The following CDH17 variants were observed in gnomAD, a reference collection of about 807,000 sequenced individuals.
CDH17 encodes cadherin 17, also known as cadherin-17.
Under a neutral mutation model 86.3 loss-of-function variants are expected in CDH17, and 67 were observed. The observed-to-expected ratio is 0.78, with a 90% CI of 0.64 to 0.95. The LOEUF (loss-of-function observed/expected upper bound fraction) is 0.95, where lower values mean the gene tolerates loss of function less well. Ranked by LOEUF, CDH17 falls within the 40% of genes least tolerant of loss-of-function variation. The pLI is 0.00. For missense variants in CDH17, 993 were observed against 1,017.6 expected, an observed-to-expected ratio of 0.98 and a Z score of 0.33; for synonymous variants, 367 against 366.4, an observed-to-expected ratio of 1.00 and a Z score of -0.02.
chr8:94,170,257 A>G, intron 9 of CDH17, 140 bp downstream of exon 9: 1 of 817,966 alleles, frequency 1.2e-6, no homozygotes, highest in Non-Finnish European at 1.9e-6. Flanking sequence ...TCCTTACGTG[A>G]CTCCCAAGGT....
chr8:94,196,830 C>T (rs1426372517), intron 1 of CDH17, among the ~76,000 whole-genome samples: 1 of 152,138 alleles, frequency 6.6e-6, no homozygotes, highest in East Asian at 1.9e-4. Flanking sequence ...AACACGGCGG[C>T]TCCATCTTCC....
chr8:94,190,253 C>A (rs1586016870), intron 2 of CDH17, among the ~76,000 whole-genome samples: 1 of 152,348 alleles, frequency 6.6e-6, no homozygotes, highest in East Asian at 1.9e-4. Flanking sequence ...CTGGAACCAG[C>A]CCTCTCAGCC....
intron 17 of CDH17, among the ~76,000 whole-genome samples, chr8:94,129,473 G>A (rs1463911042): frequency 6.6e-6 from 1 of 152,150 alleles, no homozygotes; most frequent in East Asian, 1.9e-4. Flanking sequence ...TTAGATGCAT[G>A]AATCAGAGTC....
upstream of CDH17, among the ~76,000 whole-genome samples, chr8:94,213,467 T>C (rs998191964): frequency 2.6e-5 from 4 of 152,244 alleles, no homozygotes; most frequent in African/African-American, 7.2e-5. Flanking sequence ...ATGTTGAACA[T>C]GCAAGCTGGA....
chr8:94,145,852 G>T, intron 15 of CDH17, 76 bp downstream of exon 15: 1 of 1,495,460 alleles, frequency 6.7e-7, no homozygotes, highest in Non-Finnish European at 9.1e-7. Context: ...GCTGAGTACA[G>T]CAAACCCACC....
intron 9 of CDH17, among the ~76,000 whole-genome samples, chr8:94,168,894 T>C (rs1321944114): frequency 6.6e-6 from 1 of 152,158 alleles, no homozygotes; most frequent in African/African-American, 2.4e-5. Flanking sequence ...GATTAGGTCA[T>C]AGAAAGACTG....
chr8:94,211,815 T>C (rs1005993569), upstream of CDH17, among the ~76,000 whole-genome samples: 3 of 152,370 alleles, frequency 2.0e-5, no homozygotes, highest in Non-Finnish European at 4.4e-5. Context: ...CTCTGTTAAC[T>C]TGATGATGGC....
At chr8:94,205,654 A>T (rs1441530488) in intron 1 of CDH17, among the ~76,000 whole-genome samples, 1 of 152,210 alleles carries the variant, frequency 6.6e-6, no homozygotes, top group Non-Finnish European at 1.5e-5. Context: ...ATTCTGCTTA[A>T]TAAAAGGTGC....
At chr8:94,211,665 A>T (rs961956555), upstream of CDH17, among the ~76,000 whole-genome samples, 3 of 152,106 alleles carry the variant, frequency 2.0e-5, no homozygotes, top group Non-Finnish European at 2.9e-5. Flanking sequence ...AAATTTCTCA[A>T]TTTTTCAAGT....
At chr8:94,168,832 G>T (rs745380826) in intron 9 of CDH17, among the ~76,000 whole-genome samples, 1 of 152,064 alleles carries the variant, frequency 6.6e-6, no homozygotes, top group Non-Finnish European at 1.5e-5. Context: ...TTGAGTGCAG[G>T]CTGGACCTAG....
At chr8:94,209,375 C>G (rs1814086230), upstream of CDH17, among the ~76,000 whole-genome samples, 1 of 152,212 alleles carries the variant, frequency 6.6e-6, no homozygotes, top group African/African-American at 2.4e-5. Context: ...ACACTTGGCC[C>G]TGTTTCTGTG....
In CDH17 at chr8:94,177,727, G is replaced by C; in HGVS notation, c.151-6C>G. 1 of 1,605,222 alleles carries C rather than the reference G, an allele frequency of 6.2e-7. No individual in the cohort carries two copies. The highest frequency in any genetic ancestry group is 1.1e-5 in the South Asian group (1 of 89,570). ...GCAGGAGGATTGGCCTTAAACTGGG[G>C]AAAAAGCAAAAAACAGATTAAGTTG... On this transcript the variant is annotated splice_region_variant and splice_polypyrimidine_tract_variant and intron_variant, in intron 3 of 17. Transcript: ENST00000027335.
chr8:94,202,685 A>T (rs141560020), intron 1 of CDH17: 403 of 156,102 alleles, frequency 2.6e-3, no homozygotes, highest in Non-Finnish European at 3.7e-3. Flanking sequence ...TGCTGACTGC[A>T]GAGTTTCTTG....
In CDH17 at chr8:94,161,681, C is replaced by T. The variant is rs544415108; in HGVS notation, c.1359+405G>A. Among the ~76,000 whole-genome samples, 22 of 152,212 alleles carry T rather than the reference C, an allele frequency of 1.4e-4. No homozygotes were observed. The East Asian group carries it at 1.5e-3, about 11-fold the overall frequency. On this transcript the variant is annotated intron_variant, in intron 11 of 17. Coordinates refer to ENST00000027335, the MANE Select transcript of CDH17 (RefSeq NM_004063.4). Reference sequence around the variant, plus strand: ...CTTACCCAATTATTACAAATTAAATCGCCAATATTCCAAATATTAAATTTT... The same window carrying T: ...CTTACCCAATTATTACAAATTAAATTGCCAATATTCCAAATATTAAATTTT...
rs552483866 is a variant in CDH17, at chr8:94,146,605, G to C, written c.1928-438C>G. Among the ~76,000 whole-genome samples, 5 of 152,276 alleles carry C rather than the reference G, an allele frequency of 3.3e-5. No individual in the cohort carries two copies. The East Asian group carries it at 7.7e-4, about 24-fold the overall frequency. ...TGAATGTTCTGGAAAATAGTAAAAG[G>C]CTCCACAGACATTATTTACTATATG... On this transcript the variant is annotated intron_variant, in intron 14 of 17. Transcript: ENST00000027335.
intron 2 of CDH17, among the ~76,000 whole-genome samples, chr8:94,190,667 C>A (rs1212541689): frequency 6.6e-6 from 1 of 152,222 alleles, no homozygotes; most frequent in Non-Finnish European, 1.5e-5. Context: ...AAAAAGTCTT[C>A]TCACTCCCTG....
intron 12 of CDH17, among the ~76,000 whole-genome samples, chr8:94,157,370 A>C (rs1249690802): frequency 6.6e-6 from 1 of 152,214 alleles, no homozygotes; most frequent in Non-Finnish European, 1.5e-5. Flanking sequence ...GTATGGCTAC[A>C]TACATTTGTT....
In CDH17 at chr8:94,159,223, T is replaced by G. The variant is rs1469197425; in HGVS notation, c.1551+748A>C. ...GGGACAGGAGTAGATTGAGGGAGGG[T>G]TGGGAGAATCCTGTACAAAGAGACA... is the stretch of plus-strand genomic sequence containing the variant. On this transcript the variant is annotated intron_variant, in intron 12 of 17. Coordinates refer to ENST00000027335, the MANE Select transcript of CDH17 (RefSeq NM_004063.4). Among the ~76,000 whole-genome samples the G allele has an allele frequency of 4.0e-5, 6 of 150,480 alleles. No homozygotes were observed. The East Asian group carries it at 1.2e-3, about 29-fold the overall frequency.
chr8:94,141,178 C>T (rs573793407), intron 15 of CDH17, among the ~76,000 whole-genome samples: 2 of 151,450 alleles, frequency 1.3e-5, no homozygotes, highest in Non-Finnish European at 2.9e-5. Context: ...GATAATAATG[C>T]ATCAATTAAT....
Sources: allele counts gnomAD v4.1 joint callset (sites outside exome capture counted in the v4.1 genomes callset), GRCh38; gene constraint gnomAD v4.1.1; transcripts MANE v1.5; gene names NCBI Gene and HGNC (gene_info 2026-07-23, HGNC 2026-07-21).